RSPH14: variants seen among roughly 807,000 people sequenced by gnomAD.
The protein encoded by RSPH14 is rhabdoid tumor deletion region gene 1.
Under a neutral mutation model 26.7 loss-of-function variants are expected in RSPH14, and 20 were observed. The observed-to-expected ratio is 0.75, with a 90% CI of 0.53 to 1.09. The LOEUF is 1.09. RSPH14 is among the 50% of genes least tolerant of loss of function. RSPH14 has a pLI of 0.00. For missense variants in RSPH14, 449 were observed against 457.2 expected, an observed-to-expected ratio of 0.98 and a Z score of 0.16; for synonymous variants, 177 against 189.3, an observed-to-expected ratio of 0.93 and a Z score of 0.53.
the RSPH14 span, chr22:23,150,279 A>C: frequency 1.5e-6 from 1 of 659,548 alleles, no homozygotes. Flanking sequence ...AGGCCTGAAG[A>C]TGACTGGGGT....
chr22:23,145,057 T>C (rs1032496148), upstream of RSPH14: 23 of 437,112 alleles, frequency 5.3e-5, no homozygotes, highest in South Asian at 5.5e-4. Flanking sequence ...GGTCAGTAGA[T>C]GGTAGGCAGG....
chr22:23,145,998 C>A (rs950809807), upstream of RSPH14: 20 of 985,398 alleles, frequency 2.0e-5, no homozygotes, highest in African/African-American at 3.3e-4. Context: ...ACTTCCACTG[C>A]CTGAGCTGTG....
chr22:23,136,111 G>A (rs2070477550), intron 3 of RSPH14: 2 of 592,598 alleles, frequency 3.4e-6, no homozygotes, highest in Admixed American at 3.0e-5. Context: ...GGCTTCCTTG[G>A]TCCGTGTCTA....
intron 4 of RSPH14, chr22:23,124,214 G>GT (rs755464439): frequency 0.037 from 5,393 of 145,980 alleles, 173 homozygotes; most frequent in African/African-American, 0.1. Flanking sequence ...TTGTTTTTTG[G>GT]TTTTTTTTTT....
At chr22:23,090,925 GC>G (rs2146301046) in intron 4 of RSPH14, among the ~76,000 whole-genome samples, 1 of 152,292 alleles carries the variant, frequency 6.6e-6, no homozygotes, top group Non-Finnish European at 1.5e-5. Context: ...CAGAATCAAA[GC>G]CATGGTTTAG....
chr22:23,065,339 G>A lies in RSPH14; in HGVS notation c.422-1206C>T, dbSNP rs1298079565. ...CCCCCACCATGTCTCATAATGTCCA[G>A]CAGCTCTCCATGCCCCATCCCCCAG... On this transcript the variant is annotated intron_variant, in intron 4 of 6. Coordinates refer to ENST00000216036, the MANE Select transcript of RSPH14 (RefSeq NM_014433.3). Among the ~76,000 whole-genome samples, 3 of 151,968 alleles carry A rather than the reference G, an allele frequency of 2.0e-5. No homozygotes were observed. In the East Asian group the frequency reaches 5.8e-4, roughly 30 times the overall value.
intron 4 of RSPH14, among the ~76,000 whole-genome samples, chr22:23,091,229 C>T (rs541867077): frequency 6.6e-6 from 1 of 152,344 alleles, no homozygotes; most frequent in South Asian, 2.1e-4. Flanking sequence ...CAGACACATG[C>T]ACACACTGGC....
the RSPH14 span, chr22:23,180,042 C>T: frequency 3.6e-5 from 13 of 365,440 alleles, no homozygotes; most frequent in East Asian, 4.7e-4. Context: ...GGCACTGCGG[C>T]GTGGTAGGGG....
chr22:23,179,143 AT>A, the RSPH14 span, among the ~76,000 whole-genome samples: 1 of 152,184 alleles, frequency 6.6e-6, no homozygotes, highest in East Asian at 1.9e-4. Context: ...AGTCCTTTAG[AT>A]TGGACTTCAA....
At chr22:23,061,629 G>A (rs573137935) in intron 6 of RSPH14, among the ~76,000 whole-genome samples, 180 bp downstream of exon 6, 3 of 152,180 alleles carry the variant, frequency 2.0e-5, no homozygotes, top group East Asian at 1.9e-4. Flanking sequence ...GGAGAAGAGG[G>A]AGGGCTGGGC....
At chr22:23,086,096 C>T (rs2068813929) in intron 4 of RSPH14, among the ~76,000 whole-genome samples, 1 of 152,250 alleles carries the variant, frequency 6.6e-6, no homozygotes, top group Non-Finnish European at 1.5e-5. Flanking sequence ...GTGACCCTGG[C>T]TTTCCACTGA....
At chr22:23,059,899 G>A (rs1452906891) in intron 6 of RSPH14, among the ~76,000 whole-genome samples, 181 bp from the exon 7 acceptor site, 1 of 152,202 alleles carries the variant, frequency 6.6e-6, no homozygotes, top group East Asian at 1.9e-4. Context: ...GTCCGGCCTG[G>A]GCCTGGCCTC....
upstream of RSPH14, among the ~76,000 whole-genome samples, chr22:23,142,829 T>C (rs919745416): frequency 2.0e-5 from 3 of 152,128 alleles, no homozygotes; most frequent in Non-Finnish European, 4.4e-5. Flanking sequence ...CCTCCATGGC[T>C]CCCCACTAGT....
At chr22:23,130,489 G>GGAAAGAAAGAAA (rs2070328976) in intron 4 of RSPH14, among the ~76,000 whole-genome samples, 1 of 3,756 alleles carries the variant, frequency 2.7e-4, no homozygotes, top group Non-Finnish European at 5.6e-4. Flanking sequence ...AAAGAAAGAA[G>GGAAAGAAAGAAA]GAAAGAAAAA....
chr22:23,070,260 C>A (rs1402559930), intron 4 of RSPH14: 6 of 148,130 alleles, frequency 4.1e-5, no homozygotes, highest in African/African-American at 4.9e-5. Flanking sequence ...CGCGCGGCAC[C>A]CCCCCGCCCG....
intron 4 of RSPH14, chr22:23,123,047 G>A: frequency 7.3e-7 from 1 of 1,365,764 alleles, no homozygotes; most frequent in Non-Finnish European, 1.0e-6. Flanking sequence ...GTCTCTGCCT[G>A]CTGCGGGCCT....
At chr22:23,160,725 G>C in the RSPH14 span, among the ~76,000 whole-genome samples, 7 of 152,134 alleles carry the variant, frequency 4.6e-5, no homozygotes, top group African/African-American at 1.7e-4. Context: ...GAGTGGGTGG[G>C]GCTGTGCCCT....
At chr22:23,152,277 C>T in the RSPH14 span, among the ~76,000 whole-genome samples, 29 of 152,194 alleles carry the variant, frequency 1.9e-4, no homozygotes, top group Admixed American at 1.1e-3. Flanking sequence ...GAGTCTCCAG[C>T]CTCTCCCGTC....
intron 4 of RSPH14, among the ~76,000 whole-genome samples, chr22:23,109,348 C>G (rs981806757): frequency 8.5e-5 from 13 of 152,180 alleles, no homozygotes; most frequent in Non-Finnish European, 1.8e-4. Flanking sequence ...GCCCCGAGCT[C>G]TGCCCCCACC....
Sources: allele counts gnomAD v4.1 joint callset (sites outside exome capture counted in the v4.1 genomes callset), GRCh38; gene constraint gnomAD v4.1.1; transcripts MANE v1.5; gene names NCBI Gene and HGNC (gene_info 2026-07-23, HGNC 2026-07-21).